The following PECAM1 variants were observed in gnomAD, a reference collection of about 807,000 sequenced individuals.
The protein encoded by PECAM1 is platelet and endothelial cell adhesion molecule 1, also known as platelet endothelial cell adhesion molecule.
In PECAM1, 8 loss-of-function variants were observed where a neutral mutation model predicts 13.8. The ratio of observed to expected loss-of-function variants is 0.58; its 90% CI spans 0.34 to 1.05. PECAM1 has a LOEUF of 1.05. PECAM1 is among the 50% of genes least tolerant of loss of function. The pLI is 0.03. For missense variants in PECAM1, 304 were observed against 141.2 expected (o/e 2.15, Z -5.84); for synonymous variants, 136 against 52.6 (o/e 2.58, Z -6.86).
At chr17:64,329,219 A>G (rs531180491) in intron 15 of PECAM1, among the ~76,000 whole-genome samples, 1 of 152,208 alleles carries the variant, frequency 6.6e-6, no homozygotes, top group East Asian at 1.9e-4. Context: ...GGCATAGCTC[A>G]CTTTGCTTTA....
intron 13 of PECAM1, among the ~76,000 whole-genome samples, chr17:64,347,544 A>T (rs11652639): frequency 0.013 from 1,599 of 126,384 alleles, 12 homozygotes; most frequent in East Asian, 0.033. Flanking sequence ...AGAAAAAAAA[A>T]ATATATATAT....
In PECAM1 at chr17:64,384,134, A is replaced by G. The variant is rs2036541926; in HGVS notation, c.92-6017T>C. ...CAATAGAGCAAAAACTCCATCTCAG[A>G]AAATAAATAAATTAACAATAAACGA... On this transcript the variant is annotated intron_variant, in intron 2 of 15. Coordinates refer to ENST00000563924, the MANE Select transcript of PECAM1 (RefSeq NM_000442.5). Among the ~76,000 whole-genome samples the G allele has an allele frequency of 2.6e-5, 4 of 152,324 alleles. No homozygotes were observed. The South Asian group carries it at 8.3e-4, about 32-fold the overall frequency.
At chr17:64,325,375 A>G (rs577231667) in intron 15 of PECAM1, among the ~76,000 whole-genome samples, 2 of 151,916 alleles carry the variant, frequency 1.3e-5, no homozygotes, top group East Asian at 3.9e-4. Flanking sequence ...GCGACAGAGC[A>G]AGACTCCGTC....
In PECAM1 at chr17:64,322,499, G is replaced by A. The variant is rs1171906229; in HGVS notation, c.*1317C>T. 1 of 985,398 alleles carries A rather than the reference G, an allele frequency of 1.0e-6. No individual in the cohort carries two copies. The highest frequency in any genetic ancestry group is 1.7e-5 in the African/African-American group (1 of 57,342). 61.0% of individuals were successfully genotyped at this position (985,398 alleles called of 1,614,324 possible). A position where few individuals can be genotyped will look rare whatever the true frequency, so the allele number is the denominator to read the frequency against. ...GCCCCTCAGAAGACAACATTTCACA[G>A]ATCTGCAAAGAGCAAAGGTCAAATT... On this transcript the variant is annotated 3_prime_UTR_variant, in exon 16 of 16. Transcript: ENST00000563924.
chr17:64,389,282 T>C (rs1167788861), intron 2 of PECAM1, among the ~76,000 whole-genome samples: 1 of 152,224 alleles, frequency 6.6e-6, no homozygotes, highest in Non-Finnish European at 1.5e-5. Flanking sequence ...AAGGAAATAG[T>C]GTTCTGTGGG....
intron 2 of PECAM1, among the ~76,000 whole-genome samples, chr17:64,382,696 G>A (rs2036506938): frequency 6.6e-6 from 1 of 151,474 alleles, no homozygotes; most frequent in Non-Finnish European, 1.5e-5. Flanking sequence ...CTTTAAAGCT[G>A]TGTCTCCACT....
At chr17:64,325,154 C>T (rs888387175) in intron 15 of PECAM1, among the ~76,000 whole-genome samples, 2 of 152,110 alleles carry the variant, frequency 1.3e-5, no homozygotes, top group East Asian at 1.9e-4. Context: ...TTTGGGAGGC[C>T]GAGGCGGGTG....
intron 7 of PECAM1, among the ~76,000 whole-genome samples, chr17:64,357,022 T>C (rs2035861720): frequency 6.6e-6 from 1 of 152,106 alleles, no homozygotes; most frequent in South Asian, 2.1e-4. Flanking sequence ...TTAAATTCAG[T>C]GGTGGATGCT....
At chr17:64,371,890 T>C (rs2036249392) in intron 4 of PECAM1, among the ~76,000 whole-genome samples, 2 of 152,140 alleles carry the variant, frequency 1.3e-5, no homozygotes, top group African/African-American at 2.4e-5. Context: ...ACAATAAAAA[T>C]GACTTTAGTC....
At chr17:64,366,525 G>A (rs1439062076) in intron 5 of PECAM1, among the ~76,000 whole-genome samples, 25 of 151,470 alleles carry the variant, frequency 1.7e-4, no homozygotes, top group Non-Finnish European at 3.7e-4. Flanking sequence ...ACATGCACAC[G>A]TATGTTTATT....
intron 11 of PECAM1, among the ~76,000 whole-genome samples, chr17:64,351,717 A>C (rs2035728701): frequency 6.6e-6 from 1 of 152,202 alleles, no homozygotes; most frequent in Non-Finnish European, 1.5e-5. Flanking sequence ...AAAAAAAAGA[A>C]AGAAAGAAAA....
At chr17:64,359,885 T>C (rs1322980701) in intron 7 of PECAM1, among the ~76,000 whole-genome samples, 1 of 152,084 alleles carries the variant, frequency 6.6e-6, no homozygotes, top group Non-Finnish European at 1.5e-5. Context: ...CCCGAGTGGC[T>C]GGGATTATAG....
At chr17:64,340,292 C>T in intron 14 of PECAM1, among the ~76,000 whole-genome samples, 1 of 152,122 alleles carries the variant, frequency 6.6e-6, no homozygotes, top group East Asian at 1.9e-4. Flanking sequence ...TGCTGGTTTG[C>T]CGACTGTACT....
chr17:64,332,187 AG>A (rs1488903221), intron 14 of PECAM1, among the ~76,000 whole-genome samples: 4 of 152,200 alleles, frequency 2.6e-5, no homozygotes, highest in African/African-American at 7.2e-5. Context: ...GCTGGGCCAG[AG>A]GCTGGTGTCA....
At chr17:64,364,207 T>G (rs1473971271) in intron 5 of PECAM1, among the ~76,000 whole-genome samples, 1 of 152,010 alleles carries the variant, frequency 6.6e-6, no homozygotes, top group East Asian at 1.9e-4. Flanking sequence ...TCTAAGCAAA[T>G]AAACTAGAAA....
chr17:64,333,013 C>T (rs546745855), intron 14 of PECAM1, among the ~76,000 whole-genome samples: 13 of 152,186 alleles, frequency 8.5e-5, no homozygotes, highest in African/African-American at 2.9e-4. Context: ...ATTAGCTGGG[C>T]GTGGTGGTGC....
intron 15 of PECAM1, among the ~76,000 whole-genome samples, chr17:64,326,356 C>T (rs1555645695): frequency 6.6e-6 from 1 of 152,180 alleles, no homozygotes; most frequent in African/African-American, 2.4e-5. Context: ...ATAGTGTCTC[C>T]ATTTTGTTTC....
chr17:64,353,091 A>C (rs2035765200), intron 10 of PECAM1, among the ~76,000 whole-genome samples: 1 of 152,140 alleles, frequency 6.6e-6, no homozygotes, highest in Admixed American at 6.6e-5. Flanking sequence ...AATCATTTCT[A>C]TACTTTTGGA....
In PECAM1 at chr17:64,378,048, G is replaced by A; in HGVS notation, c.161C>T (p.Thr54Ile). 2.1e-6 allele frequency: 1 copy of A among 475,278 alleles called. No homozygotes were observed. Among genetic ancestry groups the A allele is most frequent in the Non-Finnish European group, 3.9e-6 (1 of 259,048 alleles). 29.4% of individuals were successfully genotyped at this position (475,278 alleles called of 1,614,324 possible). The change falls in exon 3 of 16, where the codon ACC (threonine) becomes ATC (isoleucine). Residue 54 changes from threonine (T) to isoleucine (I), a missense_variant. By Grantham distance (89) the Thr-to-Ile change is moderately conservative. Transcript: ENST00000563924. ...GCTGACATCCGCGAAGCACTGCAGG[G>A]TCAGGTTCTTCCCATTTTGCACCGT... ...DWTVQNGKNL[T>I]LQCFADVSTT...
Sources: gnomAD v4.1 joint callset for allele counts (sites outside exome capture counted in the v4.1 genomes callset) on GRCh38, gnomAD v4.1.1 for gene constraint, MANE v1.5 for transcripts, NCBI Gene and HGNC (gene_info 2026-07-23, HGNC 2026-07-21) for gene names.